HS3ST4: variants seen among roughly 807,000 people sequenced by gnomAD.
HS3ST4 encodes the protein heparan sulfate glucosamine 3-O-sulfotransferase 4.
HS3ST4 carries 17 observed loss-of-function variants against 29.2 expected under a neutral mutation model. The observed-to-expected ratio is 0.58, with a 90% CI of 0.40 to 0.87. HS3ST4 has a LOEUF of 0.87. Among genes scored for constraint, HS3ST4 ranks in the 40% least tolerant of loss-of-function variants. The pLI, the probability that HS3ST4 is intolerant of heterozygous loss-of-function variation, is 0.00. For missense variants in HS3ST4, 627 were observed against 634.5 expected, an observed-to-expected ratio of 0.99 and a Z score of 0.13; for synonymous variants, 314 against 285.7, an observed-to-expected ratio of 1.10 and a Z score of -1.00.
chr16:25,714,347 T>G, intron 1 of HS3ST4, among the ~76,000 whole-genome samples: 1 of 152,156 alleles, frequency 6.6e-6, no homozygotes, highest in Non-Finnish European at 1.5e-5. Flanking sequence ...ATACAGTAGA[T>G]TAAGATGTGG....
intron 1 of HS3ST4, among the ~76,000 whole-genome samples, chr16:26,025,576 G>T (rs1969461746): frequency 6.6e-6 from 1 of 152,166 alleles, no homozygotes; most frequent in South Asian, 2.1e-4. Context: ...GGCTTGTGAT[G>T]TGCCACTGGT....
At chr16:25,776,678 C>G (rs772725531) in intron 1 of HS3ST4, among the ~76,000 whole-genome samples, 2 of 152,208 alleles carry the variant, frequency 1.3e-5, no homozygotes, top group Non-Finnish European at 2.9e-5. Flanking sequence ...AAAAAATGAT[C>G]AGATACCGTG....
intron 1 of HS3ST4, among the ~76,000 whole-genome samples, chr16:25,872,979 T>C (rs1967771527): frequency 6.6e-6 from 1 of 152,196 alleles, no homozygotes; most frequent in African/African-American, 2.4e-5. Flanking sequence ...TCAGTTGAAG[T>C]CTCTGGCTTT....
In HS3ST4 at chr16:26,136,348, AAGT is replaced by A; in HGVS notation, c.*103_*105del. 3.6e-6 allele frequency: 4 copies of A among 1,124,672 alleles called. No individual in the cohort carries two copies. Among genetic ancestry groups the A allele is most frequent in the Non-Finnish European group, 5.0e-6 (4 of 807,720 alleles). 69.7% of individuals were successfully genotyped at this position (1,124,672 alleles called of 1,614,324 possible). On this transcript the variant is annotated 3_prime_UTR_variant, in exon 2 of 2. Transcript: ENST00000331351. ...CTGCAGCTTCACTTGCTGGAGTGCC[AAGT>A]AGATCTCCTCCTCCTTCATGCAGCC... is the stretch of plus-strand genomic sequence containing the variant.
chr16:26,021,113 T>C (rs1197183574), intron 1 of HS3ST4, among the ~76,000 whole-genome samples: 1 of 152,240 alleles, frequency 6.6e-6, no homozygotes, highest in Admixed American at 6.5e-5. Context: ...TAATGATCAC[T>C]GCAAACACAT....
At chr16:25,942,076 G>A (rs1323618293) in intron 1 of HS3ST4, among the ~76,000 whole-genome samples, 1 of 152,160 alleles carries the variant, frequency 6.6e-6, no homozygotes, top group Non-Finnish European at 1.5e-5. Context: ...GAAAGAATTT[G>A]GGGGATGAAT....
chr16:25,811,290 T>G (rs560257864), intron 1 of HS3ST4, among the ~76,000 whole-genome samples: 2 of 152,116 alleles, frequency 1.3e-5, no homozygotes, highest in African/African-American at 2.4e-5. Flanking sequence ...CCTCTTCTCC[T>G]TCCTCCTCTT....
Position 25,927,005 on chromosome 16 carries a change from T to C in HS3ST4, c.735-208607T>C, listed in dbSNP as rs147952316. On this transcript the variant is annotated intron_variant, in intron 1 of 1. Coordinates refer to ENST00000331351, the MANE Select transcript of HS3ST4 (RefSeq NM_006040.3). ...TGAACCCGGGAGGTGGAGGTTGCAGTGAGCCGAGATTGTGCCGTTGCACTC... is the reference window on the plus strand; with the variant it reads ...TGAACCCGGGAGGTGGAGGTTGCAGCGAGCCGAGATTGTGCCGTTGCACTC... Among the ~76,000 whole-genome samples the C allele has an allele frequency of 5.1e-3, 776 of 152,118 alleles. 6 individuals carry two copies. Among genetic ancestry groups the C allele is most frequent in the African/African-American group, 0.017 (708 of 41,492 alleles).
intron 1 of HS3ST4, among the ~76,000 whole-genome samples, chr16:25,993,976 G>C (rs1364388880): frequency 1.7e-5 from 2 of 118,680 alleles, no homozygotes; most frequent in African/African-American, 2.6e-5. Context: ...GTGTGTGTGT[G>C]TGTGTGTGTG....
At chr16:25,943,002 G>A (rs1968587875) in intron 1 of HS3ST4, among the ~76,000 whole-genome samples, 1 of 152,018 alleles carries the variant, frequency 6.6e-6, no homozygotes, top group African/African-American at 2.4e-5. Flanking sequence ...AATAAACCAA[G>A]CAGTTCAAAA....
chr16:25,737,620 T>C (rs954941592), intron 1 of HS3ST4, among the ~76,000 whole-genome samples: 5 of 152,080 alleles, frequency 3.3e-5, no homozygotes, highest in African/African-American at 1.2e-4. Context: ...GGGTGAGATA[T>C]TACTTACTGG....
At chr16:25,767,519 G>GT (rs1966827911) in intron 1 of HS3ST4, among the ~76,000 whole-genome samples, 2 of 152,178 alleles carry the variant, frequency 1.3e-5, no homozygotes, top group Admixed American at 6.5e-5. Context: ...AAAGAGAAAC[G>GT]TAAGTCAAAT....
intron 1 of HS3ST4, among the ~76,000 whole-genome samples, chr16:25,852,989 TTC>T (rs1273873573): frequency 6.6e-6 from 1 of 152,162 alleles, no homozygotes; most frequent in African/African-American, 2.4e-5. Context: ...TTCTCTGATT[TTC>T]TGTTTCTTAA....
chr16:26,091,126 G>A (rs75870735), intron 1 of HS3ST4, among the ~76,000 whole-genome samples: 7,536 of 152,244 alleles, frequency 0.049, 600 homozygotes, highest in African/African-American at 0.17. Context: ...TAGCAGCAAT[G>A]TCAATATGCA....
At chr16:26,020,459 G>A (rs1399225537) in intron 1 of HS3ST4, among the ~76,000 whole-genome samples, 2 of 152,210 alleles carry the variant, frequency 1.3e-5, no homozygotes, top group African/African-American at 4.8e-5. Flanking sequence ...AACGAGAGAT[G>A]ATCAGAAAGA....
At chr16:26,119,969 G>T (rs1045448520) in intron 1 of HS3ST4, among the ~76,000 whole-genome samples, 1 of 152,248 alleles carries the variant, frequency 6.6e-6, no homozygotes. Flanking sequence ...GGTTCTTGGG[G>T]TGGGGGATTG....
intron 1 of HS3ST4, among the ~76,000 whole-genome samples, chr16:25,910,725 T>G (rs1675096229): frequency 1.3e-5 from 2 of 152,098 alleles, no homozygotes; most frequent in South Asian, 4.1e-4. Flanking sequence ...GGTGTGGCCA[T>G]TTTCCACTGA....
At chr16:25,934,705 C>G (rs1351094269) in intron 1 of HS3ST4, among the ~76,000 whole-genome samples, 1 of 152,152 alleles carries the variant, frequency 6.6e-6, no homozygotes, top group African/African-American at 2.4e-5. Flanking sequence ...AGAACACTTT[C>G]CCTCCATGCT....
rs532508283 is a variant in HS3ST4, at chr16:25,824,137, T to A, written c.734+130986T>A. Among the ~76,000 whole-genome samples the A allele has an allele frequency of 2.8e-4, 43 of 152,110 alleles. No individual in the cohort carries two copies. In the South Asian group the frequency reaches 8.9e-3, roughly 32 times the overall value. The stretch of plus-strand genomic sequence containing the variant: ...TTGGGCTGAGAGGGCCCTGGCTGAG[T>A]CAGGTGCCCCTGAAGGGAAGACACA... On this transcript the variant is annotated intron_variant, in intron 1 of 1. Transcript: ENST00000331351.
Sources: gnomAD v4.1 joint callset for allele counts (sites outside exome capture counted in the v4.1 genomes callset) on GRCh38, gnomAD v4.1.1 for gene constraint, MANE v1.5 for transcripts, NCBI Gene and HGNC (gene_info 2026-07-23, HGNC 2026-07-21) for gene names.